Variants in SYN2 observed in about 807,000 individuals in gnomAD.
The protein encoded by SYN2 is synapsin II, also known as synapsin-2.
In SYN2, 19 loss-of-function variants were observed where a neutral mutation model predicts 50.9. The observed-to-expected ratio is 0.37, with a 90% confidence interval of 0.26 to 0.55. The LOEUF is 0.55. Ranked by LOEUF, SYN2 falls within the 20% of genes least tolerant of loss-of-function variation. The probability of loss-of-function intolerance (pLI) is 0.81; values close to 1 mark genes in which losing one functional copy is unlikely to be tolerated. For missense variants in SYN2, 587 were observed against 576.4 expected (o/e 1.02, Z -0.19); for synonymous variants, 255 against 224.9 (o/e 1.13, Z -1.20).
At chr3:12,080,559 A>G (rs1270679345) in intron 1 of SYN2, among the ~76,000 whole-genome samples, 2 of 152,028 alleles carry the variant, frequency 1.3e-5, no homozygotes, top group Non-Finnish European at 2.9e-5. Context: ...TTTATTATTT[A>G]CCCAGGAGTC....
intron 1 of SYN2, among the ~76,000 whole-genome samples, chr3:12,113,509 C>T (rs769912098): frequency 2.0e-5 from 3 of 151,998 alleles, no homozygotes; most frequent in Admixed American, 6.6e-5. Context: ...GTGTACAATC[C>T]GGTGCCATTA....
rs528685249 is a variant in SYN2 at position 12,124,954 on chromosome 3, T to C, written c.378-15697T>C. 5.9e-5 allele frequency among the ~76,000 whole-genome samples: 9 copies of C among 152,184 alleles called. No individual in the cohort carries two copies. The South Asian group carries it at 6.2e-4, about 11-fold the overall frequency. The stretch of plus-strand genomic sequence containing the variant: ...AAATAAACAAGTATGTTATATTCTT[T>C]AAATATAGCTGTATGACAAATAATG... On this transcript the variant is annotated intron_variant, in intron 1 of 12. Transcript: ENST00000621198.
intron 1 of SYN2, among the ~76,000 whole-genome samples, chr3:12,024,633 AT>A (rs1453848018): frequency 3.9e-5 from 6 of 152,190 alleles, no homozygotes; most frequent in Non-Finnish European, 8.8e-5. Flanking sequence ...ATTCTTTGAC[AT>A]TGCTGATTTG....
intron 5 of SYN2, chr3:12,156,866 A>G (rs771959850): frequency 1.2e-6 from 2 of 1,614,200 alleles, no homozygotes; most frequent in Non-Finnish European, 1.7e-6. Flanking sequence ...GTTTCACACC[A>G]CAGAGGGAAG....
In SYN2 at chr3:12,190,013, C is replaced by T. The variant is rs140204968; in HGVS notation, c.1614-477C>T. Among the ~76,000 whole-genome samples the T allele has an allele frequency of 2.0e-4, 30 of 152,208 alleles. 1 individual carries two copies. Among genetic ancestry groups the T allele is most frequent in the Admixed American group, 3.3e-4 (5 of 15,296 alleles). On this transcript the variant is annotated intron_variant, in intron 12 of 12. Transcript: ENST00000621198. ...AGTTAGGAGGGAGTGAGTGGCAAAACGAGACTTTGGCCCAGGTCTTCTCAT... is the reference window on the plus strand; with the variant it reads ...AGTTAGGAGGGAGTGAGTGGCAAAATGAGACTTTGGCCCAGGTCTTCTCAT...
intron 1 of SYN2, among the ~76,000 whole-genome samples, chr3:12,048,764 G>A (rs1416143686): frequency 6.6e-6 from 1 of 152,146 alleles, no homozygotes; most frequent in Non-Finnish European, 1.5e-5. Context: ...GTGAATTGAG[G>A]CACAGGAAAG....
chr3:12,144,102 A>T (rs1309407028), intron 3 of SYN2, among the ~76,000 whole-genome samples: 1 of 152,294 alleles, frequency 6.6e-6, no homozygotes, highest in East Asian at 1.9e-4. Flanking sequence ...CTGCCACAGA[A>T]CTGATTCTCT....
chr3:12,168,571 A>G (rs992377204), intron 9 of SYN2, 93 bp downstream of exon 9: 21 of 1,075,786 alleles, frequency 2.0e-5, no homozygotes, highest in Middle Eastern at 2.0e-4. Context: ...CTCCTGAACC[A>G]TGGAAATGTT....
At position 12,015,650 on chromosome 3, in the gene SYN2, C is replaced by A. The variant is rs547542630; in HGVS notation, c.377+10722C>A. On this transcript the variant is annotated intron_variant, in intron 1 of 12. Transcript: ENST00000621198. ...TTCCTACACCTTCCGTTACATAAGG[C>A]TGATTACGTACCTGCTCGCACCTCT... Among the ~76,000 whole-genome samples the A allele has an allele frequency of 9.2e-5, 14 of 152,312 alleles. No individual in the cohort carries two copies. In the South Asian group the frequency reaches 2.9e-3, roughly 32 times the overall value.
At chr3:12,184,815 C>T (rs759300390) in intron 11 of SYN2, 181 of 985,730 alleles carry the variant, frequency 1.8e-4, no homozygotes, top group Non-Finnish European at 2.0e-4. Context: ...AGGCTGGGAA[C>T]GGGCACCAAG....
At chr3:12,167,211 A>T (rs143824385) in intron 7 of SYN2, 23 bp from the exon 8 acceptor site, 1 of 1,609,870 alleles carries the variant, frequency 6.2e-7, no homozygotes, top group Admixed American at 1.7e-5. Flanking sequence ...TGCCTGTCCT[A>T]TCCTGGTGGG....
chr3:12,128,113 T>A (rs1696712058), intron 1 of SYN2, among the ~76,000 whole-genome samples: 1 of 152,000 alleles, frequency 6.6e-6, no homozygotes, highest in Non-Finnish European at 1.5e-5. Flanking sequence ...CCAGACTAAT[T>A]TTTTATTTTT....
intron 5 of SYN2, chr3:12,153,555 A>G (rs149625047): frequency 1.2e-6 from 2 of 1,613,934 alleles, no homozygotes; most frequent in African/African-American, 2.7e-5. Context: ...CCTGAGAGGC[A>G]GGTGGCCCCG....
chr3:12,126,022 A>G lies in SYN2; in HGVS notation c.378-14629A>G, dbSNP rs139349432. ...CAGACTAGAGTCTTTAAGTCACTCA[A>G]GTGAAGATAGTCATATACCAAAATT... On this transcript the variant is annotated intron_variant, in intron 1 of 12. Transcript: ENST00000621198. Among the ~76,000 whole-genome samples the G allele has an allele frequency of 3.0e-3, 451 of 152,364 alleles. 2 individuals are homozygous for G. Among genetic ancestry groups the G allele is most frequent in the African/African-American group, 0.01 (422 of 41,588 alleles).
At chr3:12,155,924 C>G (rs1046652244) in intron 5 of SYN2, among the ~76,000 whole-genome samples, 5 of 152,174 alleles carry the variant, frequency 3.3e-5, no homozygotes, top group Non-Finnish European at 7.3e-5. Flanking sequence ...CTCTTCCATC[C>G]AGGAGCTCCT....
chr3:12,114,116 C>CT lies in SYN2; in HGVS notation c.378-26522dup, dbSNP rs879363432. On this transcript the variant is annotated intron_variant, in intron 1 of 12. Transcript: ENST00000621198. The stretch of plus-strand genomic sequence containing the variant: ...TTGTTGGCAATAGACAATAGTCCAT[C>CT]TTTTTTTTTTTTTATTGTAGCTATA... Among the ~76,000 whole-genome samples, 268 of 144,474 alleles carry CT rather than the reference C, an allele frequency of 1.9e-3. 1 individual carries two copies. The highest frequency in any genetic ancestry group is 2.2e-3 in the Non-Finnish European group (145 of 65,450). 94.8% of individuals were successfully genotyped at this position (144,474 alleles called of 152,430 possible). A position where few individuals can be genotyped will look rare whatever the true frequency, so the allele number is the denominator to read the frequency against.
At chr3:12,060,679 A>C (rs1214602701) in intron 1 of SYN2, among the ~76,000 whole-genome samples, 1 of 152,158 alleles carries the variant, frequency 6.6e-6, no homozygotes, top group Non-Finnish European at 1.5e-5. Context: ...GAGGACATAC[A>C]AACAGGGACA....
chr3:12,186,811 A>G (rs571737021), intron 11 of SYN2, among the ~76,000 whole-genome samples: 84 of 152,300 alleles, frequency 5.5e-4, no homozygotes, highest in African/African-American at 1.9e-3. Context: ...CAACCCTATT[A>G]TCTTTGAAAC....
chr3:12,125,292 G>A (rs1001644632), intron 1 of SYN2, among the ~76,000 whole-genome samples: 1 of 151,870 alleles, frequency 6.6e-6, no homozygotes, highest in African/African-American at 2.4e-5. Context: ...GAGCCACCAC[G>A]CCCAGCCAGC....
Sources: gnomAD v4.1 joint callset for allele counts (sites outside exome capture counted in the v4.1 genomes callset) on GRCh38, gnomAD v4.1.1 for gene constraint, MANE v1.5 for transcripts, NCBI Gene and HGNC (gene_info 2026-07-23, HGNC 2026-07-21) for gene names.